Variants in NPR1 observed in about 807,000 individuals in gnomAD.
NPR1 encodes the protein atrial natriuretic peptide receptor 1.
A neutral mutation model predicts 116.9 loss-of-function variants in NPR1; 57 were observed. The ratio of observed to expected loss-of-function variants is 0.49; its 90% CI spans 0.39 to 0.61. The LOEUF is 0.61. Among genes scored for constraint, NPR1 ranks in the 20% least tolerant of loss-of-function variants. The pLI is 0.00. For missense variants in NPR1, 1,096 were observed against 1,409.8 expected (o/e 0.78, Z 3.56); for synonymous variants, 555 against 601.6 (o/e 0.92, Z 1.13).
Position 153,679,222 on chromosome 1 carries a change from C to T in NPR1, c.114C>T (p.Ala38=), listed in dbSNP as rs750418293. 9 of 1,523,468 alleles carry T rather than the reference C, an allele frequency of 5.9e-6. No homozygotes were observed. Among genetic ancestry groups the T allele is most frequent in the African/African-American group, 2.9e-5 (2 of 70,112 alleles). The allele number at this position is 1,523,468 out of a possible 1,614,324, so 94.4% of individuals were successfully genotyped here. ...RGSHAGNLTV[A]VVLPLANTSY... is the part of the protein sequence containing the mutation. ...GCCACGCGGGCAACCTGACGGTAGC[C>T]GTGGTACTGCCGCTGGCCAATACCT... is the stretch of plus-strand genomic sequence containing the variant. The change falls in exon 1 of 22, where the codon GCC becomes GCT. Residue 38 remains alanine (A), a synonymous_variant. Coordinates refer to ENST00000368680, the MANE Select transcript of NPR1 (RefSeq NM_000906.4). This position sits in a 1 kb window ranked among gnomAD's most constrained non-coding sequence, Gnocchi z 4.2.
rs1669693297 is a variant in NPR1, at chr1:153,679,342, C to G, written c.234C>G (p.Val78=). ...ARPDLLPGWT[V]RTVLGSSENA... is the part of the protein sequence containing the mutation. ...CCGACTTGCTGCCGGGCTGGACGGT[C>G]CGCACGGTGCTGGGCAGCAGCGAAA... The change falls in exon 1 of 22, where the codon GTC becomes GTG. Residue 78 remains valine, a synonymous_variant. Coordinates refer to ENST00000368680, the MANE Select transcript of NPR1 (RefSeq NM_000906.4). The surrounding 1 kb of genome is among the most constrained non-coding windows in gnomAD (Gnocchi z 4.2). 6.5e-7 allele frequency: 1 copy of G among 1,536,900 alleles called. No homozygotes were observed.
chr1:153,683,225 T>C, intron 5 of NPR1, 151 bp from the exon 6 acceptor site: 1 of 774,120 alleles, frequency 1.3e-6, no homozygotes, highest in South Asian at 1.9e-5. Context: ...CTGTGTCCAG[T>C]TGCAGTGGGG....
At chr1:153,682,647 T>C (rs28730727) in intron 5 of NPR1, 58 bp downstream of exon 5, 6 of 1,293,668 alleles carry the variant, frequency 4.6e-6, no homozygotes, top group East Asian at 2.3e-5. Context: ...ACCCTCCTAC[T>C]TCCCCCCCAC....
intron 6 of NPR1, 94 bp from the exon 7 acceptor site, chr1:153,683,646 C>T: frequency 6.5e-7 from 1 of 1,544,658 alleles, no homozygotes; most frequent in South Asian, 1.1e-5. Flanking sequence ...TCCCTTCATC[C>T]ATCATCCCAG....
In NPR1 at chr1:153,678,864, C is replaced by T; in HGVS notation, c.-245C>T. The T allele has an allele frequency of 2.0e-6, 1 of 489,700 alleles. No homozygotes were observed. Among genetic ancestry groups the T allele is most frequent in the East Asian group, 3.6e-5 (1 of 28,140 alleles). 30.3% of individuals were successfully genotyped at this position (489,700 alleles called of 1,614,324 possible). The stretch of plus-strand genomic sequence containing the variant: ...TGTTCACACTCGGGTCCTCTCCAGC[C>T]CGACGTTCTCCTGGCACCCACCTGC... On this transcript the variant is annotated 5_prime_UTR_variant, in exon 1 of 22. Transcript: ENST00000368680. The surrounding 1 kb of genome is among the most constrained non-coding windows in gnomAD (Gnocchi z 5.8).
intron 4 of NPR1, 89 bp downstream of exon 4, chr1:153,681,928 C>T: frequency 6.7e-7 from 1 of 1,503,410 alleles, no homozygotes; most frequent in Non-Finnish European, 9.0e-7. Context: ...TATTGTCCTG[C>T]AGCAGTTACC....
chr1:153,678,897 C>T lies in NPR1; in HGVS notation c.-212C>T, dbSNP rs1475957059. ...CTCCTGGCACCCACCTGCTCCGCGG[C>T]GCCCTGCGCGCCCCCCTCGGTCGCG... On this transcript the variant is annotated 5_prime_UTR_variant, in exon 1 of 22. Coordinates refer to ENST00000368680, the MANE Select transcript of NPR1 (RefSeq NM_000906.4). This position sits in a 1 kb window ranked among gnomAD's most constrained non-coding sequence, Gnocchi z 5.8. The T allele has an allele frequency of 1.4e-5, 8 of 568,052 alleles. No homozygotes were observed. In the East Asian group the frequency reaches 2.8e-4, roughly 20 times the overall value. The allele number at this position is 568,052 out of a possible 1,614,324, so 35.2% of individuals were successfully genotyped here.
In NPR1 at chr1:153,679,453, C is replaced by T. The variant is rs1420058424; in HGVS notation, c.345C>T (p.Gly115=). 5 of 1,542,290 alleles carry T rather than the reference C, an allele frequency of 3.2e-6. No individual in the cohort carries two copies. Among genetic ancestry groups the T allele is most frequent in the Middle Eastern group, 2.1e-4 (1 of 4,720 alleles). ...KWEHNPAVFL[G]PGCVYAAAPV... is the part of the protein sequence containing the mutation. ...AGCACAACCCCGCTGTGTTCCTGGG[C>T]CCCGGCTGCGTGTACGCCGCCGCCC... The change falls in exon 1 of 22, where the codon GGC becomes GGT. Residue 115 remains glycine (G), a synonymous_variant. Coordinates refer to ENST00000368680, the MANE Select transcript of NPR1 (RefSeq NM_000906.4). The surrounding 1 kb of genome is among the most constrained non-coding windows in gnomAD (Gnocchi z 4.2).
Position 153,693,528 on chromosome 1 carries a change from G to A in NPR1, c.*114G>A. 1 of 927,788 alleles carries A rather than the reference G, an allele frequency of 1.1e-6. No homozygotes were observed. Among genetic ancestry groups the A allele is most frequent in the Non-Finnish European group, 1.6e-6 (1 of 607,678 alleles). 57.5% of individuals were successfully genotyped at this position (927,788 alleles called of 1,614,324 possible). A position where few individuals can be genotyped will look rare whatever the true frequency, so the allele number is the denominator to read the frequency against. On this transcript the variant is annotated 3_prime_UTR_variant, in exon 22 of 22. Coordinates refer to ENST00000368680, the MANE Select transcript of NPR1 (RefSeq NM_000906.4). ...CATCGCCAAAGGATGGAAGTAATTT[G>A]AATAGCTCAGGTGTGCTGACCCCAG...
intron 11 of NPR1, 129 bp downstream of exon 11, chr1:153,686,879 T>G (rs1669948121): frequency 5.6e-6 from 7 of 1,251,504 alleles, no homozygotes; most frequent in Non-Finnish European, 6.9e-6. Context: ...AAATGGGAGT[T>G]GGGGAAGGGC....
Position 153,679,654 on chromosome 1 carries a change from G to C in NPR1, c.546G>C (p.Ala182=), listed in dbSNP as rs767305192. The C allele has an allele frequency of 8.7e-6, 14 of 1,604,172 alleles. No individual in the cohort carries two copies. The highest frequency in any genetic ancestry group is 1.2e-5 in the Non-Finnish European group (14 of 1,177,238). Residue 182 remains alanine, a synonymous_variant, in exon 1 of 22, where the codon GCG becomes GCC. Transcript: ENST00000368680. This position sits in a 1 kb window ranked among gnomAD's most constrained non-coding sequence, Gnocchi z 4.2. ...GACGGCTGGGCTGGGAGCGCCAAGC[G>C]CTCATGCTCTACGCCTACCGGCCGG... ...LHRRLGWERQ[A]LMLYAYRPGD... is the part of the protein sequence containing the mutation.
chr1:153,680,228 A>G (rs950244916), intron 1 of NPR1, among the ~76,000 whole-genome samples: 5 of 80,206 alleles, frequency 6.2e-5, no homozygotes, highest in African/African-American at 1.0e-4. Flanking sequence ...ATCCTTCTCC[A>G]CCTTCAGCTC....
At chr1:153,693,248 T>C in intron 21 of NPR1, 51 bp downstream of exon 21, 1 of 1,601,906 alleles carries the variant, frequency 6.2e-7, no homozygotes, top group Non-Finnish European at 8.5e-7. Flanking sequence ...CTAGAGGGAG[T>C]TACCCTTCTC....
chr1:153,693,329 C>A (rs1188435643), intron 21 of NPR1, 23 bp from the exon 22 acceptor site: 1 of 1,611,686 alleles, frequency 6.2e-7, no homozygotes, highest in African/African-American at 1.3e-5. Context: ...CACTCCCCAG[C>A]CCATCCTCTT....
At position 153,693,165 on chromosome 1, in the gene NPR1, G is replaced by A. The variant is rs369076763; in HGVS notation, c.3091G>A (p.Glu1031Lys). ...TGTCCTGGAGGAGTTTGGTGGTTTC[G>A]AGCTGGAGCTTCGAGGGGATGTAGA... Reference protein sequence around the residue: ...KAVLEEFGGFELELRGDVEMK... With the variant: ...KAVLEEFGGFKLELRGDVEMK... Residue 1031 changes from glutamate (E) to lysine (K), a missense_variant, in exon 21 of 22, where the codon GAG (glutamate) becomes AAG (lysine). Glu to Lys is a moderately conservative substitution (Grantham distance 56). Transcript: ENST00000368680. 5.0e-6 allele frequency: 8 copies of A among 1,613,878 alleles called. No individual in the cohort carries two copies. The highest frequency in any genetic ancestry group is 2.2e-5 in the South Asian group (2 of 91,074).
At chr1:153,683,995 G>A (rs1435184880) in intron 7 of NPR1, among the ~76,000 whole-genome samples, 171 bp downstream of exon 7, 3 of 152,124 alleles carry the variant, frequency 2.0e-5, no homozygotes, top group Non-Finnish European at 2.9e-5. Flanking sequence ...AGAAAGAGAA[G>A]GGAATGGCAG....
intron 2 of NPR1, 155 bp downstream of exon 2, chr1:153,680,855 T>G: frequency 1.5e-6 from 1 of 684,024 alleles, no homozygotes; most frequent in Non-Finnish European, 2.4e-6. Context: ...AGAAAAGAGG[T>G]TGGTGATGCT....
intron 3 of NPR1, 143 bp from the exon 4 acceptor site, chr1:153,681,561 T>C (rs1669781854): frequency 4.7e-6 from 4 of 846,154 alleles, no homozygotes; most frequent in East Asian, 2.6e-5. Flanking sequence ...ATCGTTTAAA[T>C]AGTAAAATCT....
intron 7 of NPR1, 93 bp from the exon 8 acceptor site, chr1:153,684,871 G>A: frequency 6.6e-7 from 1 of 1,509,070 alleles, no homozygotes; most frequent in Non-Finnish European, 9.1e-7. Context: ...TGAGTGCATG[G>A]TGTGGTCCCA....
Sources: gnomAD v4.1 joint callset for allele counts (sites outside exome capture counted in the v4.1 genomes callset) on GRCh38, gnomAD v4.1.1 for gene constraint, Gnocchi (gnomAD v3.1) non-coding constraint, MANE v1.5 for transcripts, NCBI Gene and HGNC (gene_info 2026-07-23, HGNC 2026-07-21) for gene names.